Variants in FAT3 observed in about 807,000 individuals in gnomAD.
The protein encoded by FAT3 is protocadherin Fat 3.
A neutral mutation model predicts 310.2 loss-of-function variants in FAT3; 95 were observed. The ratio of observed to expected loss-of-function variants is 0.31; its 90% confidence interval spans 0.26 to 0.36. The LOEUF is 0.36. Ranked by LOEUF, FAT3 falls within the 10% of genes least tolerant of loss-of-function variation. FAT3 has a pLI of 1.00. For synonymous variants in FAT3, 2,314 were observed against 2,192.9 expected, an observed-to-expected ratio of 1.06 and a Z score of -1.54; for missense variants, 5,408 against 5,715.6, an observed-to-expected ratio of 0.95 and a Z score of 1.74.
intron 1 of FAT3, among the ~76,000 whole-genome samples, chr11:92,243,848 C>A (rs1333810168): frequency 2.6e-5 from 4 of 152,020 alleles, no homozygotes; most frequent in Non-Finnish European, 4.4e-5. Context: ...TGGAACCAAT[C>A]TTTATTAAAA....
In FAT3 at chr11:92,298,020, G is replaced by T. The variant is rs1946895509; in HGVS notation, c.-17-54076G>T. 3.3e-5 allele frequency among the ~76,000 whole-genome samples: 5 copies of T among 152,206 alleles called. No individual in the cohort carries two copies. In the South Asian group the frequency reaches 1.0e-3, roughly 32 times the overall value. On this transcript the variant is annotated intron_variant, in intron 1 of 27. Coordinates refer to ENST00000525166, the MANE Select transcript of FAT3 (RefSeq NM_001367949.2). ...TTTTTGGAAGAATAAGCTTGTTTCT[G>T]TGAGCACAACAAGGAAATGCGGGTG... is the stretch of plus-strand genomic sequence containing the variant.
intron 2 of FAT3, among the ~76,000 whole-genome samples, chr11:92,469,307 A>G (rs1467536854): frequency 1.3e-5 from 2 of 152,194 alleles, no homozygotes; most frequent in Non-Finnish European, 2.9e-5. Context: ...ACCCTGATTT[A>G]TAAAGCACTT....
rs915412106 is a variant in FAT3, at chr11:92,382,323, G to C, written c.3292+26919G>C. ...AACTCCTAGTGGGGGGTCAGCTGGA[G>C]TGTCATTTTCAGGAATAAGCAATAT... On this transcript the variant is annotated intron_variant, in intron 2 of 27. Coordinates refer to ENST00000525166, the MANE Select transcript of FAT3 (RefSeq NM_001367949.2). 4.6e-5 allele frequency among the ~76,000 whole-genome samples: 7 copies of C among 152,264 alleles called. No individual in the cohort carries two copies. The East Asian group carries it at 1.3e-3, about 29-fold the overall frequency.
chr11:92,240,936 G>T (rs752981785), intron 1 of FAT3, among the ~76,000 whole-genome samples: 2 of 148,984 alleles, frequency 1.3e-5, no homozygotes, highest in African/African-American at 2.5e-5. Context: ...TCCCCCCCAT[G>T]CCCCCCTTCC....
chr11:92,707,289 A>T (rs1428913211), intron 4 of FAT3, among the ~76,000 whole-genome samples: 1 of 152,182 alleles, frequency 6.6e-6, no homozygotes. Flanking sequence ...TGCTCTGCTC[A>T]CCCATGGTGC....
In FAT3 at chr11:92,513,493, A is replaced by G. The variant is rs931917152; in HGVS notation, c.3293-11141A>G. Among the ~76,000 whole-genome samples, 8 of 152,312 alleles carry G rather than the reference A, an allele frequency of 5.3e-5. No homozygotes were observed. The South Asian group carries it at 1.0e-3, about 20-fold the overall frequency. ...TTCATGTGCTCTCAGAAATAAATCT[A>G]GTTTAAAGAGTTTGACTCTTGAAGA... is the stretch of plus-strand genomic sequence containing the variant. On this transcript the variant is annotated intron_variant, in intron 2 of 27. Transcript: ENST00000525166.
At chr11:92,751,466 G>A (rs1486200110) in intron 4 of FAT3, among the ~76,000 whole-genome samples, 1 of 152,156 alleles carries the variant, frequency 6.6e-6, no homozygotes, top group Non-Finnish European at 1.5e-5. Context: ...TGCAAAGAAA[G>A]GTAGAACAAA....
At chr11:92,237,291 G>T (rs1864469936) in intron 1 of FAT3, among the ~76,000 whole-genome samples, 1 of 152,170 alleles carries the variant, frequency 6.6e-6, no homozygotes, top group South Asian at 2.1e-4. Flanking sequence ...GCAGGCTGGA[G>T]CAGTCTGTGA....
intron 1 of FAT3, among the ~76,000 whole-genome samples, chr11:92,295,453 G>T (rs1337804495): frequency 6.6e-6 from 1 of 152,106 alleles, no homozygotes; most frequent in African/African-American, 2.4e-5. Context: ...CCCGAGCTGT[G>T]CCGTGTCTGA....
chr11:92,451,893 T>C (rs1951362716), intron 2 of FAT3, among the ~76,000 whole-genome samples: 1 of 152,214 alleles, frequency 6.6e-6, no homozygotes, highest in Non-Finnish European at 1.5e-5. Context: ...GTGCCCCACA[T>C]CAACTGGTCA....
At chr11:92,233,819 A>G (rs928375749) in intron 1 of FAT3, among the ~76,000 whole-genome samples, 1 of 152,210 alleles carries the variant, frequency 6.6e-6, no homozygotes, top group Admixed American at 6.5e-5. Flanking sequence ...ATCTTCTTTT[A>G]TTTGGAAGTG....
chr11:92,326,958 A>G (rs917767460), intron 1 of FAT3, among the ~76,000 whole-genome samples: 1 of 152,118 alleles, frequency 6.6e-6, no homozygotes, highest in Admixed American at 6.5e-5. Flanking sequence ...TTTTTATCCT[A>G]CTATTGCACT....
chr11:92,621,617 G>A (rs997229781), intron 3 of FAT3, among the ~76,000 whole-genome samples: 2 of 152,134 alleles, frequency 1.3e-5, no homozygotes, highest in African/African-American at 2.4e-5. Flanking sequence ...GCAGCTCATG[G>A]CCATCTTGTT....
intron 3 of FAT3, among the ~76,000 whole-genome samples, chr11:92,664,836 T>C (rs898457543): frequency 6.6e-6 from 1 of 152,250 alleles, no homozygotes; most frequent in African/African-American, 2.4e-5. Flanking sequence ...GATGCTTTTA[T>C]GAATTCCTCA....
intron 2 of FAT3, among the ~76,000 whole-genome samples, chr11:92,490,244 C>T (rs1181857605): frequency 1.3e-5 from 2 of 152,122 alleles, no homozygotes; most frequent in Non-Finnish European, 2.9e-5. Context: ...CTAATGGTCT[C>T]TACTGTCTTT....
rs544903769 is a variant in FAT3 at position 92,728,184 on chromosome 11, C to T, written c.3669+30739C>T. ...TTTTACCTTAACTAATACCAGAAAA[C>T]GAGTTGTCCATATTATTAAGAGGAG... is the stretch of plus-strand genomic sequence containing the variant. On this transcript the variant is annotated intron_variant, in intron 4 of 27. Transcript: ENST00000525166. Among the ~76,000 whole-genome samples, 7 of 152,210 alleles carry T rather than the reference C, an allele frequency of 4.6e-5. No homozygotes were observed. The South Asian group carries it at 6.2e-4, about 14-fold the overall frequency.
At chr11:92,303,640 A>G (rs949776624) in intron 1 of FAT3, among the ~76,000 whole-genome samples, 3 of 152,152 alleles carry the variant, frequency 2.0e-5, no homozygotes, top group African/African-American at 7.2e-5. Context: ...AATGAACTTA[A>G]GAGCAATAAA....
intron 2 of FAT3, among the ~76,000 whole-genome samples, chr11:92,445,554 A>G (rs149450507): frequency 3.9e-5 from 6 of 152,174 alleles, no homozygotes; most frequent in African/African-American, 7.2e-5. Context: ...ATAATGGTCC[A>G]CTGTGACTCA....
At chr11:92,295,623 C>G (rs983748666) in intron 1 of FAT3, among the ~76,000 whole-genome samples, 23 of 152,068 alleles carry the variant, frequency 1.5e-4, no homozygotes, top group Non-Finnish European at 2.9e-4. Flanking sequence ...GGCTTTTCCT[C>G]TCTTTTCTCC....
Sources: gnomAD v4.1 joint callset for allele counts (sites outside exome capture counted in the v4.1 genomes callset) on GRCh38, gnomAD v4.1.1 for gene constraint, MANE v1.5 for transcripts, NCBI Gene and HGNC (gene_info 2026-07-23, HGNC 2026-07-21) for gene names.